Variants in ELOVL5 observed in about 807,000 individuals in gnomAD.
The protein encoded by ELOVL5 is ELOVL fatty acid elongase 5.
In ELOVL5, 8 loss-of-function variants were observed where a neutral mutation model predicts 38.6. The ratio of observed to expected loss-of-function variants is 0.21; its 90% CI spans 0.12 to 0.37. ELOVL5 has a LOEUF of 0.37. Ranked by LOEUF, ELOVL5 falls within the 10% of genes least tolerant of loss-of-function variation. ELOVL5 has a pLI of 1.00. For synonymous variants in ELOVL5, 127 were observed against 133.7 expected (o/e 0.95, Z 0.34); for missense variants, 280 against 367.8 (o/e 0.76, Z 1.95).
At chr6:53,344,660 T>C (rs1216271089) in intron 1 of ELOVL5, among the ~76,000 whole-genome samples, 1 of 152,196 alleles carries the variant, frequency 6.6e-6, no homozygotes, top group Admixed American at 6.5e-5. Context: ...TAAGTCCTTG[T>C]GAGGGGCTCA....
chr6:53,291,804 G>A lies in ELOVL5; in HGVS notation c.218C>T (p.Thr73Ile). Residue 73 changes from threonine to isoleucine, a missense_variant, in exon 3 of 8, where the codon ACA (threonine) becomes ATA (isoleucine). This residue lies in a region of ELOVL5 where 150 missense variants were observed against 178.0 expected (regional missense o/e 0.84). Transcript: ENST00000304434. ...ACAGAACATATACAGAGACAGCAGT[G>A]TGAGTCCAAGGTTATACACCACTAA... ...GILVVYNLGL[T>I]LLSLYMFCEL... 1 of 1,612,850 alleles carries A rather than the reference G, an allele frequency of 6.2e-7. No homozygotes were observed. Among genetic ancestry groups the A allele is most frequent in the Non-Finnish European group, 8.5e-7 (1 of 1,179,570 alleles).
chr6:53,323,576 C>CTTT (rs3063792), intron 1 of ELOVL5, among the ~76,000 whole-genome samples: 4,742 of 81,080 alleles, frequency 0.058, 357 homozygotes, highest in African/African-American at 0.11. Flanking sequence ...TACTAGCCAG[C>CTTT]TTTTTTTTTT....
chr6:53,296,185 C>G (rs1481093875), intron 1 of ELOVL5, among the ~76,000 whole-genome samples: 2 of 151,710 alleles, frequency 1.3e-5, no homozygotes, highest in South Asian at 4.2e-4. Flanking sequence ...TTCATATCTA[C>G]AGTAAAAAAA....
intron 1 of ELOVL5, among the ~76,000 whole-genome samples, chr6:53,347,744 C>T (rs1769623005): frequency 1.3e-5 from 2 of 152,008 alleles, no homozygotes; most frequent in African/African-American, 4.8e-5. Flanking sequence ...CCGCCACCTC[C>T]GCCACTTTGC....
intron 1 of ELOVL5, among the ~76,000 whole-genome samples, chr6:53,316,555 G>A (rs1485081756): frequency 1.3e-5 from 2 of 152,018 alleles, no homozygotes; most frequent in Non-Finnish European, 2.9e-5. Flanking sequence ...CAGTTGGGGC[G>A]AGAGGCTGAA....
intron 1 of ELOVL5, among the ~76,000 whole-genome samples, chr6:53,311,552 T>C (rs939737851): frequency 1.5e-4 from 23 of 152,196 alleles, no homozygotes; most frequent in African/African-American, 5.5e-4. Flanking sequence ...GTAACATTAT[T>C]TATAACAGTC....
chr6:53,340,251 A>G (rs1769271384), intron 1 of ELOVL5, among the ~76,000 whole-genome samples: 1 of 151,922 alleles, frequency 6.6e-6, no homozygotes, highest in Non-Finnish European at 1.5e-5. Flanking sequence ...AAAATAATAC[A>G]TATTTTTAAA....
rs2294864 is a variant in ELOVL5, at chr6:53,276,130, T to A, written c.324+49A>T. 0.5 allele frequency: 645,295 copies of A among 1,299,014 alleles called. 166,961 individuals carry two copies. The highest frequency in any genetic ancestry group is 0.87 in the African/African-American group (57,931 of 66,816). The allele number at this position is 1,299,014 out of a possible 1,614,324, so 80.5% of individuals were successfully genotyped here. A position where few individuals can be genotyped will look rare whatever the true frequency, so the allele number is the denominator to read the frequency against. On this transcript the variant is annotated intron_variant, in intron 4 of 7. Transcript: ENST00000304434. ...TTTTGTATTTTATACAATTTATTTT[T>A]AAAAACTCAACACTTATAATAATAA...
intron 1 of ELOVL5, among the ~76,000 whole-genome samples, chr6:53,313,009 C>T (rs1014009950): frequency 1.3e-5 from 2 of 152,224 alleles, no homozygotes; most frequent in East Asian, 3.8e-4. Context: ...ATTCAGACTA[C>T]TCAGGTGATG....
chr6:53,270,191 C>CA (rs1189495382), intron 7 of ELOVL5, among the ~76,000 whole-genome samples: 1 of 152,058 alleles, frequency 6.6e-6, no homozygotes, highest in Non-Finnish European at 1.5e-5. Flanking sequence ...AAAGCTGGGA[C>CA]AAAAAAGCAG....
chr6:53,323,552 T>C (rs1195523868), intron 1 of ELOVL5, among the ~76,000 whole-genome samples: 3 of 147,450 alleles, frequency 2.0e-5, no homozygotes, highest in Non-Finnish European at 4.5e-5. Flanking sequence ...GAGAAATGGC[T>C]CTACCACGTC....
intron 1 of ELOVL5, among the ~76,000 whole-genome samples, chr6:53,332,860 C>A (rs1455646577): frequency 6.6e-6 from 1 of 152,212 alleles, no homozygotes; most frequent in African/African-American, 2.4e-5. Context: ...GAAAGCCACC[C>A]TCCCCAAAAG....
At chr6:53,335,692 C>G (rs1469430729) in intron 1 of ELOVL5, among the ~76,000 whole-genome samples, 2 of 152,110 alleles carry the variant, frequency 1.3e-5, no homozygotes, top group Non-Finnish European at 2.9e-5. Flanking sequence ...CGGTTCTTGC[C>G]CAAACTCTAT....
chr6:53,322,235 G>C lies in ELOVL5; in HGVS notation c.-8-26528C>G, dbSNP rs547460361. 6.6e-5 allele frequency among the ~76,000 whole-genome samples: 10 copies of C among 152,288 alleles called. No individual in the cohort carries two copies. In the East Asian group the frequency reaches 1.9e-3, roughly 29 times the overall value. On this transcript the variant is annotated intron_variant, in intron 1 of 7. Transcript: ENST00000304434. ...GTAAACAAGGGAAAATTCACTTCTGGTGAGAGAGGCACAAAACTACCTTTA... is the reference window on the plus strand; with the variant it reads ...GTAAACAAGGGAAAATTCACTTCTGCTGAGAGAGGCACAAAACTACCTTTA...
intron 3 of ELOVL5, among the ~76,000 whole-genome samples, chr6:53,291,527 T>C (rs1766773854): frequency 6.6e-6 from 1 of 152,216 alleles, no homozygotes; most frequent in Non-Finnish European, 1.5e-5. Flanking sequence ...TTGAATATCA[T>C]ACGAAACATA....
At chr6:53,280,802 G>A (rs915165328) in intron 3 of ELOVL5, among the ~76,000 whole-genome samples, 4 of 152,216 alleles carry the variant, frequency 2.6e-5, no homozygotes, top group South Asian at 2.1e-4. Context: ...ACCATGTTGC[G>A]CAGGCTGGTC....
chr6:53,305,157 A>AC (rs1254508916), intron 1 of ELOVL5, among the ~76,000 whole-genome samples: 3 of 101,600 alleles, frequency 3.0e-5, no homozygotes, highest in African/African-American at 3.8e-5. Context: ...CAGGGGGCTG[A>AC]CCCCCCCACC....
chr6:53,278,493 C>A (rs1031168991), intron 3 of ELOVL5, among the ~76,000 whole-genome samples: 2 of 152,174 alleles, frequency 1.3e-5, no homozygotes, highest in Admixed American at 6.5e-5. Flanking sequence ...TGCCTTGACT[C>A]TTTAAACTAG....
intron 3 of ELOVL5, among the ~76,000 whole-genome samples, chr6:53,281,889 G>C (rs1162313227): frequency 6.6e-6 from 1 of 150,626 alleles, no homozygotes; most frequent in Non-Finnish European, 1.5e-5. Flanking sequence ...TAACACTCTT[G>C]GCTAAGTTAA....
Sources: allele counts gnomAD v4.1 joint callset (sites outside exome capture counted in the v4.1 genomes callset), GRCh38; gene constraint gnomAD v4.1.1; regional missense constraint gnomAD v4.1.1; transcripts MANE v1.5; gene names NCBI Gene and HGNC (gene_info 2026-07-23, HGNC 2026-07-21).